RUNX2: variants seen among roughly 807,000 people sequenced by gnomAD.
RUNX2 encodes runt-related transcription factor 2.
A neutral mutation model predicts 51.7 loss-of-function variants in RUNX2; 10 were observed. The observed-to-expected ratio is 0.19, with a 90% confidence interval of 0.12 to 0.33. The LOEUF (loss-of-function observed/expected upper bound fraction) is 0.33. Ranked by LOEUF, RUNX2 falls within the 10% of genes least tolerant of loss-of-function variation. The pLI, the probability that RUNX2 is intolerant of heterozygous loss-of-function variation, is 1.00. For synonymous variants in RUNX2, 276 were observed against 273.6 expected (o/e 1.01, Z -0.09); for missense variants, 562 against 691.3 (o/e 0.81, Z 2.10).
Position 45,443,892 on chromosome 6 carries a change from C to T in RUNX2, c.685+5841C>T, listed in dbSNP as rs192333355. Among the ~76,000 whole-genome samples the T allele has an allele frequency of 4.9e-3, 748 of 151,888 alleles. 7 individuals carry two copies. Among genetic ancestry groups the T allele is most frequent in the African/African-American group, 0.017 (707 of 41,422 alleles). On this transcript the variant is annotated intron_variant, in intron 5 of 8. Transcript: ENST00000647337. ...TTTTTCAATTTTTAAAATTTTTTTT[C>T]GAGATGGAGTGGCATGATCTTGATC... is the stretch of plus-strand genomic sequence containing the variant.
At chr6:45,370,317 T>C (rs966641246) in intron 2 of RUNX2, among the ~76,000 whole-genome samples, 2 of 152,092 alleles carry the variant, frequency 1.3e-5, no homozygotes, top group African/African-American at 4.8e-5. Context: ...CAGTCAAGGA[T>C]GACCGAATTC....
chr6:45,456,629 C>T (rs1799327808), intron 5 of RUNX2, among the ~76,000 whole-genome samples: 1 of 152,168 alleles, frequency 6.6e-6, no homozygotes, highest in Non-Finnish European at 1.5e-5. Flanking sequence ...TTGAGGGTCT[C>T]TTGGGTTTCC....
chr6:45,415,997 C>A (rs570420115), intron 2 of RUNX2, among the ~76,000 whole-genome samples: 1 of 152,116 alleles, frequency 6.6e-6, no homozygotes, highest in African/African-American at 2.4e-5. Context: ...AAAGATGAGT[C>A]ATTGCTTTTA....
rs142223886 is a variant in RUNX2, at chr6:45,468,219, C to T, written c.686-23722C>T. On this transcript the variant is annotated intron_variant, in intron 5 of 8. Coordinates refer to ENST00000647337, the MANE Select transcript of RUNX2 (RefSeq NM_001024630.4). Reference sequence around the variant, plus strand: ...TTGTAACGAATACTCAATAATCTCTCTTTACTATCCTCAATGAAATCTGTA... The same window carrying T: ...TTGTAACGAATACTCAATAATCTCTTTTTACTATCCTCAATGAAATCTGTA... 4.5e-3 allele frequency among the ~76,000 whole-genome samples: 687 copies of T among 152,358 alleles called. 2 individuals are homozygous for T. The highest frequency in any genetic ancestry group is 0.015 in the African/African-American group (633 of 41,580).
At chr6:45,464,584 T>C (rs1385558535) in intron 5 of RUNX2, among the ~76,000 whole-genome samples, 1 of 152,166 alleles carries the variant, frequency 6.6e-6, no homozygotes. Flanking sequence ...GTTGCTTTAC[T>C]CTCTACAGAG....
At chr6:45,532,849 T>C (rs546195768) in intron 7 of RUNX2, among the ~76,000 whole-genome samples, 2 of 151,628 alleles carry the variant, frequency 1.3e-5, no homozygotes, top group African/African-American at 4.8e-5. Flanking sequence ...GAGGAGCTAC[T>C]ACTGGACTAC....
chr6:45,346,567 C>CTTTTTTTTTT (rs71745024), intron 2 of RUNX2, among the ~76,000 whole-genome samples: 6 of 140,430 alleles, frequency 4.3e-5, no homozygotes, highest in Non-Finnish European at 4.6e-5. Flanking sequence ...ATAAACATTT[C>CTTTTTTTTTT]TTTTTTTTTT....
intron 3 of RUNX2, among the ~76,000 whole-genome samples, chr6:45,425,603 T>C (rs1798362139): frequency 6.6e-6 from 1 of 152,230 alleles, no homozygotes; most frequent in Admixed American, 6.5e-5. Context: ...AGCTAAGATC[T>C]ACTCAGTATA....
At chr6:45,434,807 T>C (rs906219551) in intron 4 of RUNX2, among the ~76,000 whole-genome samples, 11 of 152,166 alleles carry the variant, frequency 7.2e-5, no homozygotes, top group Non-Finnish European at 5.9e-5. Flanking sequence ...CATTTTAAAA[T>C]AACAGGCTGT....
At chr6:45,451,680 A>G (rs1481708801) in intron 5 of RUNX2, among the ~76,000 whole-genome samples, 1 of 152,214 alleles carries the variant, frequency 6.6e-6, no homozygotes, top group Non-Finnish European at 1.5e-5. Context: ...CAGAGAAAGA[A>G]TAGGTTTCAA....
chr6:45,371,961 G>C lies in RUNX2; in HGVS notation c.58+43177G>C, dbSNP rs73735396. 9.7e-4 allele frequency: 772 copies of C among 793,078 alleles called. 9 individuals carry two copies. The African/African-American group carries it at 0.014, about 14-fold the overall frequency. 49.1% of individuals were successfully genotyped at this position (793,078 alleles called of 1,614,324 possible). On this transcript the variant is annotated intron_variant, in intron 2 of 8. Transcript: ENST00000647337. ...ACTACTATTTAGTGATACAAGCTGG[G>C]ACTAAAACTGAGGTCCCCCGACACC...
intron 5 of RUNX2, among the ~76,000 whole-genome samples, chr6:45,488,329 T>G (rs7753729): frequency 9.9e-5 from 15 of 152,170 alleles, no homozygotes; most frequent in African/African-American, 3.6e-4. Context: ...AGAAATAGGA[T>G]TTTTTTGGAG....
At chr6:45,488,475 G>A (rs966071435) in intron 5 of RUNX2, among the ~76,000 whole-genome samples, 22 of 152,156 alleles carry the variant, frequency 1.4e-4, no homozygotes, top group African/African-American at 4.8e-4. Flanking sequence ...CCAGAAAAGG[G>A]GGAGTCATTG....
At chr6:45,400,206 G>A (rs1662112606) in intron 2 of RUNX2, among the ~76,000 whole-genome samples, 1 of 149,526 alleles carries the variant, frequency 6.7e-6, no homozygotes, top group South Asian at 2.2e-4. Context: ...AAGGAAGGAA[G>A]GAGGGAATGA....
At position 45,422,684 on chromosome 6, in the gene RUNX2, G is replaced by GCAGCAGCAA. The variant is rs1798237850; in HGVS notation, c.159_167dup (p.Gln69_Gln71dup). 1.2e-6 allele frequency: 2 copies of GCAGCAGCAA among 1,603,252 alleles called. No homozygotes were observed. The highest frequency in any genetic ancestry group is 1.3e-5 in the African/African-American group (1 of 74,224). ...TGAGCCCGGTGGTGGCTGCGCAACA[G>GCAGCAGCAA]CAGCAGCAACAGCAGCAGCAGCAAC... On this transcript the variant is annotated inframe_insertion, in exon 3 of 9. Coordinates refer to ENST00000647337, the MANE Select transcript of RUNX2 (RefSeq NM_001024630.4).
intron 2 of RUNX2, among the ~76,000 whole-genome samples, chr6:45,357,647 T>C (rs1738175784): frequency 6.6e-6 from 1 of 152,140 alleles, no homozygotes; most frequent in African/African-American, 2.4e-5. Flanking sequence ...TAAAGATTAA[T>C]TTTGAAGCTG....
intron 2 of RUNX2, among the ~76,000 whole-genome samples, chr6:45,364,029 C>T (rs544919076): frequency 6.6e-6 from 1 of 151,756 alleles, no homozygotes; most frequent in African/African-American, 2.4e-5. Context: ...GCAGGAAAAT[C>T]GCTTCAACCT....
intron 2 of RUNX2, among the ~76,000 whole-genome samples, chr6:45,334,108 C>T (rs778717169): frequency 6.6e-6 from 1 of 151,132 alleles, no homozygotes; most frequent in Non-Finnish European, 1.5e-5. Flanking sequence ...ATTCCTATTG[C>T]CAATTCTCTT....
Position 45,422,604 on chromosome 6 carries a change from A to G in RUNX2, c.70A>G (p.Ser24Gly). The change falls in exon 3 of 9, where the codon AGC becomes GGC. Residue 24 changes from serine to glycine, a missense_variant. Physicochemically the swap from Ser to Gly is moderately conservative, Grantham distance 56. Coordinates refer to ENST00000647337, the MANE Select transcript of RUNX2 (RefSeq NM_001024630.4). ...GCGTATTCCCGTAGATCCGAGCACCAGCCGGCGCTTCAGCCCCCCCTCCAG... is the reference window on the plus strand; with the variant it reads ...GCGTATTCCCGTAGATCCGAGCACCGGCCGGCGCTTCAGCCCCCCCTCCAG... ...QQNFFWDPST[S>G]RRFSPPSSSL... 1 of 1,596,826 alleles carries G rather than the reference A, an allele frequency of 6.3e-7. No homozygotes were observed. The highest frequency in any genetic ancestry group is 8.5e-7 in the Non-Finnish European group (1 of 1,173,386).
Sources: gnomAD v4.1 joint callset for allele counts (sites outside exome capture counted in the v4.1 genomes callset) on GRCh38, gnomAD v4.1.1 for gene constraint, MANE v1.5 for transcripts, NCBI Gene and HGNC (gene_info 2026-07-23, HGNC 2026-07-21) for gene names.